The following MYO6 variants were observed in gnomAD, a reference collection of about 807,000 sequenced individuals.
MYO6 encodes the protein unconventional myosin-VI.
Under a neutral mutation model 178.7 loss-of-function variants are expected in MYO6, and 74 were observed. That is an observed-to-expected ratio of 0.41 (90% confidence interval 0.34 to 0.50). The LOEUF is 0.50. Among genes scored for constraint, MYO6 ranks in the 20% least tolerant of loss-of-function variants. The probability of loss-of-function intolerance (pLI) is 0.09; values close to 1 mark genes in which losing one functional copy is unlikely to be tolerated. For synonymous variants in MYO6, 477 were observed against 504.6 expected (o/e 0.95, Z 0.73); for missense variants, 1,330 against 1,547.4 (o/e 0.86, Z 2.36).
chr6:75,830,327 T>G, intron 4 of MYO6, 89 bp from the exon 5 acceptor site: 1 of 1,280,684 alleles, frequency 7.8e-7, no homozygotes. Flanking sequence ...AATTGAAATT[T>G]TTTGTATTTT....
intron 23 of MYO6, among the ~76,000 whole-genome samples, chr6:75,884,367 T>C (rs146802908): frequency 6.6e-6 from 1 of 152,340 alleles, no homozygotes; most frequent in Non-Finnish European, 1.5e-5. Flanking sequence ...AAATCCTTTT[T>C]TCAGGACATA....
intron 7 of MYO6, among the ~76,000 whole-genome samples, chr6:75,840,159 ATTTTTTT>A (rs71002767): frequency 2.3e-5 from 3 of 131,884 alleles, no homozygotes; most frequent in Non-Finnish European, 4.8e-5. Context: ...CTTCATGTTA[ATTTTTTT>A]TTTTTTTTTT....
intron 1 of MYO6, among the ~76,000 whole-genome samples, chr6:75,762,177 C>G (rs760347516): frequency 6.6e-6 from 1 of 152,120 alleles, no homozygotes; most frequent in Admixed American, 6.5e-5. Flanking sequence ...CCTCATGATC[C>G]GCCTGCCTCG....
intron 1 of MYO6, among the ~76,000 whole-genome samples, chr6:75,773,960 A>T (rs1231013369): frequency 6.6e-6 from 1 of 152,228 alleles, no homozygotes; most frequent in African/African-American, 2.4e-5. Context: ...GGCCTTAAAA[A>T]TTAAATGCAT....
chr6:75,862,026 G>A (rs553785034), intron 15 of MYO6, among the ~76,000 whole-genome samples: 1 of 152,132 alleles, frequency 6.6e-6, no homozygotes, highest in Non-Finnish European at 1.5e-5. Context: ...TCTCACTAAT[G>A]TAGTTAGAAT....
intron 1 of MYO6, among the ~76,000 whole-genome samples, chr6:75,805,867 A>G (rs1016385741): frequency 2.0e-5 from 3 of 152,228 alleles, no homozygotes; most frequent in Non-Finnish European, 4.4e-5. Context: ...TTCTAGTACA[A>G]TAGCACTGGG....
chr6:75,906,847 C>G (rs1780368342), intron 30 of MYO6, among the ~76,000 whole-genome samples: 1 of 152,126 alleles, frequency 6.6e-6, no homozygotes, highest in South Asian at 2.1e-4. Flanking sequence ...CATGATACAG[C>G]ACTTGTGCCC....
Position 75,915,211 on chromosome 6 carries a change from AT to A in MYO6, c.*200del. The A allele has an allele frequency of 1.7e-6, 1 of 604,774 alleles. No homozygotes were observed. The allele number at this position is 604,774 out of a possible 1,614,324, so 37.5% of individuals were successfully genotyped here. On this transcript the variant is annotated 3_prime_UTR_variant, in exon 35 of 35. Transcript: ENST00000369977. ...TTGGACCTAAACATTATTTTTCTGTATCCCGCTGTAATTCCCAAAACTCTCA... is the reference window on the plus strand; with the variant it reads ...TTGGACCTAAACATTATTTTTCTGTACCCGCTGTAATTCCCAAAACTCTCA...
intron 20 of MYO6, among the ~76,000 whole-genome samples, chr6:75,874,091 T>A: frequency 6.6e-6 from 1 of 152,220 alleles, no homozygotes; most frequent in Admixed American, 6.5e-5. Flanking sequence ...GAGGTAGATT[T>A]ACTATGAAGC....
chr6:75,883,531 T>C (rs901612479), intron 23 of MYO6, among the ~76,000 whole-genome samples: 2 of 152,206 alleles, frequency 1.3e-5, no homozygotes, highest in African/African-American at 4.8e-5. Flanking sequence ...GGGATTTTAA[T>C]CTAGGAATTT....
chr6:75,840,426 G>T (rs1774103830), intron 7 of MYO6, among the ~76,000 whole-genome samples, 159 bp from the exon 8 acceptor site: 1 of 152,046 alleles, frequency 6.6e-6, no homozygotes, highest in African/African-American at 2.4e-5. Context: ...CTCCCAAAGT[G>T]CTGGGATTAC....
intron 1 of MYO6, among the ~76,000 whole-genome samples, chr6:75,778,023 T>A (rs1388428968): frequency 2.4e-4 from 36 of 151,274 alleles, no homozygotes; most frequent in Non-Finnish European, 5.3e-4. Context: ...CAATATGGTA[T>A]TTTTTTTTAA....
In MYO6 at chr6:75,841,302, T is replaced by C; in HGVS notation, c.740T>C (p.Ile247Thr). The change falls in exon 9 of 35, where the codon ATC becomes ACC. Residue 247 changes from isoleucine (I) to threonine (T), a missense_variant. Physicochemically the swap from Ile to Thr is moderately conservative, Grantham distance 89. This residue lies in a region of MYO6 where 613 missense variants were observed against 816.8 expected (regional missense o/e 0.75). Transcript: ENST00000369977. ...GGCAAAGAGGAAAGAAATTATCATA[T>C]CTTTTATAGGTTGTGTGCTGGTGCT... ...VQGKEERNYH[I>T]FYRLCAGASE... is the part of the protein sequence containing the mutation. 1 of 1,614,038 alleles carries C rather than the reference T, an allele frequency of 6.2e-7. No individual in the cohort carries two copies. The highest frequency in any genetic ancestry group is 8.5e-7 in the Non-Finnish European group (1 of 1,179,948).
intron 3 of MYO6, among the ~76,000 whole-genome samples, chr6:75,823,806 A>C (rs1479832621): frequency 6.6e-6 from 1 of 152,222 alleles, no homozygotes; most frequent in Non-Finnish European, 1.5e-5. Flanking sequence ...CTCTCTTCTG[A>C]AATTCTCATC....
chr6:75,812,769 A>C (rs1429397677), intron 1 of MYO6, among the ~76,000 whole-genome samples: 1 of 152,084 alleles, frequency 6.6e-6, no homozygotes, highest in African/African-American at 2.4e-5. Flanking sequence ...TGTTGTTGTA[A>C]ATGACAGGAT....
chr6:75,805,251 T>C (rs1484202080), intron 1 of MYO6, among the ~76,000 whole-genome samples: 1 of 151,804 alleles, frequency 6.6e-6, no homozygotes, highest in East Asian at 1.9e-4. Flanking sequence ...CTCGAACTCC[T>C]GCCTCGGCCT....
chr6:75,881,701 G>T lies in MYO6; in HGVS notation c.2299G>T (p.Asp767Tyr). 1 of 1,613,676 alleles carries T rather than the reference G, an allele frequency of 6.2e-7. No individual in the cohort carries two copies. The highest frequency in any genetic ancestry group is 1.1e-5 in the South Asian group (1 of 91,036). The change falls in exon 23 of 35, where the codon GAT becomes TAT. Residue 767 changes from aspartate to tyrosine, a missense_variant. By Grantham distance (160) the Asp-to-Tyr change is radical (BLOSUM62 -3). Transcript: ENST00000369977. ...TTTCACTTCCTAGTTTGCAGAATTT[G>T]ATCAGATCATGAAGTCTGACCCTGA... ...FFRPGKFAEF[D>Y]QIMKSDPDHL... is the part of the protein sequence containing the mutation.
chr6:75,845,499 C>G (rs533749622), intron 10 of MYO6, among the ~76,000 whole-genome samples: 1 of 151,884 alleles, frequency 6.6e-6, no homozygotes, highest in South Asian at 2.1e-4. Flanking sequence ...TTGAGACCAG[C>G]CTGGGCAACA....
intron 14 of MYO6, among the ~76,000 whole-genome samples, chr6:75,859,392 C>T (rs893001758): frequency 9.9e-5 from 15 of 151,006 alleles, no homozygotes; most frequent in African/African-American, 1.7e-4. Context: ...CTCCGTTTCC[C>T]GGGTTCAAGC....
Sources: allele counts gnomAD v4.1 joint callset (sites outside exome capture counted in the v4.1 genomes callset), GRCh38; gene constraint gnomAD v4.1.1; regional missense constraint gnomAD v4.1.1; transcripts MANE v1.5; gene names NCBI Gene and HGNC (gene_info 2026-07-23, HGNC 2026-07-21).